The following PPP3CA variants were observed in gnomAD, a reference collection of about 807,000 sequenced individuals.
PPP3CA encodes protein phosphatase 3 catalytic subunit alpha.
A neutral mutation model predicts 66.5 loss-of-function variants in PPP3CA; 14 were observed. The ratio of observed to expected loss-of-function variants is 0.21; its 90% CI spans 0.14 to 0.33. PPP3CA has a LOEUF of 0.33. PPP3CA is among the 10% of genes least tolerant of loss of function. The pLI, the probability that PPP3CA is intolerant of heterozygous loss-of-function variation, is 1.00. For synonymous variants in PPP3CA, 232 were observed against 226.2 expected (o/e 1.03, Z -0.23); for missense variants, 317 against 639.5 (o/e 0.50, Z 5.44).
intron 2 of PPP3CA, chr4:101,171,184 C>T (rs770487785): frequency 2.2e-5 from 10 of 455,774 alleles, no homozygotes; most frequent in East Asian, 6.9e-5. Flanking sequence ...GAAAGCCATC[C>T]GTTTTTACCT....
intron 10 of PPP3CA, among the ~76,000 whole-genome samples, chr4:101,049,290 T>C (rs1271630043): frequency 6.6e-6 from 1 of 152,046 alleles, no homozygotes; most frequent in Non-Finnish European, 1.5e-5. Context: ...TTAGGAACTT[T>C]CCATTGATTT....
intron 1 of PPP3CA, among the ~76,000 whole-genome samples, chr4:101,220,007 T>TG (rs1341265178): frequency 6.6e-6 from 1 of 151,842 alleles, no homozygotes; most frequent in Non-Finnish European, 1.5e-5. Flanking sequence ...TAACACGCTC[T>TG]GGTTTCTTGC....
At chr4:101,055,979 C>T (rs1728207495) in intron 10 of PPP3CA, among the ~76,000 whole-genome samples, 1 of 151,316 alleles carries the variant, frequency 6.6e-6, no homozygotes, top group Non-Finnish European at 1.5e-5. Flanking sequence ...CAAATTAAAG[C>T]ATATTATATT....
intron 1 of PPP3CA, among the ~76,000 whole-genome samples, chr4:101,263,061 T>C (rs923687319): frequency 6.6e-6 from 1 of 152,164 alleles, no homozygotes; most frequent in Non-Finnish European, 1.5e-5. Flanking sequence ...GTGTACATGG[T>C]TGGGAAGATA....
At position 101,078,065 on chromosome 4, in the gene PPP3CA, C is replaced by T. The variant is rs565728461; in HGVS notation, c.955+2467G>A. Among the ~76,000 whole-genome samples, 10 of 152,172 alleles carry T rather than the reference C, an allele frequency of 6.6e-5. No individual in the cohort carries two copies. The South Asian group carries it at 1.7e-3, about 25-fold the overall frequency. ...GGGAAACTTCTAAGCAGAGTACATG[C>T]TATTTAGTAATCAGTCTTTGGCAAG... On this transcript the variant is annotated intron_variant, in intron 8 of 13. Transcript: ENST00000394854.
chr4:101,182,390 G>A (rs1306224439), intron 2 of PPP3CA, among the ~76,000 whole-genome samples: 1 of 152,092 alleles, frequency 6.6e-6, no homozygotes, highest in Non-Finnish European at 1.5e-5. Flanking sequence ...TGCTATCTGA[G>A]GAGTCAAGAA....
intron 6 of PPP3CA, among the ~76,000 whole-genome samples, chr4:101,085,889 G>A (rs1578432261): frequency 6.6e-6 from 1 of 151,830 alleles, no homozygotes; most frequent in Admixed American, 6.6e-5. Flanking sequence ...GCGAGAGAGA[G>A]AGAACGGCAG....
rs59928911 is a variant in PPP3CA, at chr4:101,332,493, T to G, written c.58+14246A>C. Among the ~76,000 whole-genome samples the G allele has an allele frequency of 3.2e-3, 483 of 152,278 alleles. 3 individuals are homozygous for G. The highest frequency in any genetic ancestry group is 0.011 in the African/African-American group (459 of 41,562). Reference sequence around the variant, plus strand: ...ATTGGACAGCCACTGCCAACCTGCCTCCATGGAATGGTAGGGCCCCCCAAA... The same window carrying G: ...ATTGGACAGCCACTGCCAACCTGCCGCCATGGAATGGTAGGGCCCCCCAAA... On this transcript the variant is annotated intron_variant, in intron 1 of 13. Coordinates refer to ENST00000394854, the MANE Select transcript of PPP3CA (RefSeq NM_000944.5).
At chr4:101,262,350 A>G (rs757790364) in intron 1 of PPP3CA, among the ~76,000 whole-genome samples, 45 of 152,128 alleles carry the variant, frequency 3.0e-4, no homozygotes, top group Non-Finnish European at 5.3e-4. Context: ...TCGTTAAGGC[A>G]CATTCCAATT....
intron 2 of PPP3CA, among the ~76,000 whole-genome samples, chr4:101,124,805 A>G (rs2110277437): frequency 6.7e-6 from 1 of 148,506 alleles, no homozygotes; most frequent in East Asian, 2.0e-4. Context: ...GAAAGAGAAA[A>G]CTGTATTGGT....
intron 1 of PPP3CA, among the ~76,000 whole-genome samples, chr4:101,214,884 T>G (rs1200706032): frequency 1.3e-5 from 2 of 152,120 alleles, no homozygotes; most frequent in Admixed American, 6.6e-5. Context: ...ATTAGCGAGG[T>G]CAATTTTCCT....
At chr4:101,098,541 T>C in intron 4 of PPP3CA, 29 bp from the exon 5 acceptor site, 1 of 1,562,582 alleles carries the variant, frequency 6.4e-7, no homozygotes, top group Non-Finnish European at 8.7e-7. Flanking sequence ...AGAATACTTA[T>C]GATTTATAGG....
chr4:101,235,909 C>A (rs925188109), intron 1 of PPP3CA, among the ~76,000 whole-genome samples: 1 of 151,686 alleles, frequency 6.6e-6, no homozygotes, highest in Non-Finnish European at 1.5e-5. Context: ...AAATTTAAAT[C>A]TTTGTTCTGC....
intron 8 of PPP3CA, among the ~76,000 whole-genome samples, chr4:101,065,022 T>C (rs1351657989): frequency 2.0e-5 from 3 of 151,994 alleles, no homozygotes; most frequent in South Asian, 2.1e-4. Flanking sequence ...GAAATGTAGA[T>C]AGTGTAGGCA....
chr4:101,033,323 CACACACAG>C (rs1223852049), intron 11 of PPP3CA, among the ~76,000 whole-genome samples: 5 of 144,280 alleles, frequency 3.5e-5, no homozygotes, highest in Non-Finnish European at 6.0e-5. Context: ...CACACACACA[CACACACAG>C]GGAGAGAGTT....
intron 1 of PPP3CA, among the ~76,000 whole-genome samples, chr4:101,336,571 A>T (rs1178115706): frequency 6.8e-6 from 1 of 146,896 alleles, no homozygotes; most frequent in Non-Finnish European, 1.5e-5. Context: ...AAACTGTCTT[A>T]AAAAAAAAAT....
chr4:101,221,064 A>T lies in PPP3CA; in HGVS notation c.59-24948T>A, dbSNP rs571916017. Among the ~76,000 whole-genome samples the T allele has an allele frequency of 2.0e-5, 3 of 151,878 alleles. No homozygotes were observed. The East Asian group carries it at 5.8e-4, about 30-fold the overall frequency. On this transcript the variant is annotated intron_variant, in intron 1 of 13. Transcript: ENST00000394854. ...ATTCTAAGCAAAAATCATTCATATT[A>T]TAATTTGGTAAGAGAAAGACTTCCA...
At chr4:101,198,392 G>A (rs537166197) in intron 1 of PPP3CA, among the ~76,000 whole-genome samples, 1 of 152,270 alleles carries the variant, frequency 6.6e-6, no homozygotes, top group South Asian at 2.1e-4. Flanking sequence ...GATATGGGCT[G>A]GGGGCTAGAA....
chr4:101,067,340 T>A (rs1489132895), intron 8 of PPP3CA, among the ~76,000 whole-genome samples: 3 of 152,004 alleles, frequency 2.0e-5, no homozygotes, highest in Non-Finnish European at 4.4e-5. Flanking sequence ...CTGCTCCTAC[T>A]TGGTGAATGG....
Sources: gnomAD v4.1 joint callset for allele counts (sites outside exome capture counted in the v4.1 genomes callset) on GRCh38, gnomAD v4.1.1 for gene constraint, MANE v1.5 for transcripts, NCBI Gene and HGNC (gene_info 2026-07-23, HGNC 2026-07-21) for gene names.